ECT2L: variants seen among roughly 807,000 people sequenced by gnomAD.
ECT2L encodes the protein epithelial cell-transforming sequence 2 oncogene-like.
A neutral mutation model predicts 122.8 loss-of-function variants in ECT2L; 126 were observed. That is an observed-to-expected ratio of 1.03 (90% confidence interval 0.89 to 1.19). ECT2L has a LOEUF of 1.19. Ranked by LOEUF, ECT2L falls within the 50% of genes most tolerant of loss-of-function variation. The pLI is 0.00. For synonymous variants in ECT2L, 385 were observed against 381.8 expected, an observed-to-expected ratio of 1.01 and a Z score of -0.10; for missense variants, 1,012 against 1,064.1, an observed-to-expected ratio of 0.95 and a Z score of 0.68.
At chr6:138,813,048 T>A (rs1388844846) in intron 2 of ECT2L, 71 bp downstream of exon 2, 2 of 401,364 alleles carry the variant, frequency 5.0e-6, no homozygotes, top group Non-Finnish European at 4.4e-6. Context: ...GCTTATCATA[T>A]ACACAGATGA....
chr6:138,886,714 G>A lies in ECT2L; in HGVS notation c.2260-143G>A, dbSNP rs977496354. On this transcript the variant is annotated intron_variant, in intron 18 of 21. Transcript: ENST00000541398. ...ATTACAGACGAAAGTCACTACACCC[G>A]GCCCAGAAATTTGAAACTTTCTATT... The A allele has an allele frequency of 2.3e-4, 152 of 651,114 alleles. No homozygotes were observed. In the African/African-American group the frequency reaches 2.4e-3, roughly 10 times the overall value. The allele number at this position is 651,114 out of a possible 1,614,324, so 40.3% of individuals were successfully genotyped here.
At chr6:138,824,252 T>G (rs1170749419) in intron 4 of ECT2L, among the ~76,000 whole-genome samples, 1 of 151,852 alleles carries the variant, frequency 6.6e-6, no homozygotes, top group Non-Finnish European at 1.5e-5. Flanking sequence ...AGGACCACTC[T>G]GTACCATCTT....
At position 138,885,131 on chromosome 6, in the gene ECT2L, C is replaced by T. The variant is rs138479898; in HGVS notation, c.2029-375C>T. ...GCAAGCTCCGCCTCACAGGTTCATGCCATTCTTCTGCCTCAGCCTCCTGAG... is the reference window on the plus strand; with the variant it reads ...GCAAGCTCCGCCTCACAGGTTCATGTCATTCTTCTGCCTCAGCCTCCTGAG... On this transcript the variant is annotated intron_variant, in intron 16 of 21. Coordinates refer to ENST00000541398, the MANE Select transcript of ECT2L (RefSeq NM_001077706.3). 5.5e-3 allele frequency among the ~76,000 whole-genome samples: 832 copies of T among 149,922 alleles called. 8 individuals carry two copies. Among genetic ancestry groups the T allele is most frequent in the Non-Finnish European group, 7.8e-3 (527 of 67,844 alleles).
At chr6:138,821,907 G>A (rs1248627988) in intron 4 of ECT2L, among the ~76,000 whole-genome samples, 1 of 152,244 alleles carries the variant, frequency 6.6e-6, no homozygotes, top group Non-Finnish European at 1.5e-5. Context: ...GACGGAGGAA[G>A]AGGACATGAG....
intron 13 of ECT2L, among the ~76,000 whole-genome samples, chr6:138,875,937 A>G (rs1320594389): frequency 1.3e-5 from 2 of 152,156 alleles, no homozygotes; most frequent in African/African-American, 4.8e-5. Flanking sequence ...CCTGGCCAAC[A>G]TGGTGAAACC....
At chr6:138,858,414 C>A (rs1348435290) in intron 10 of ECT2L, among the ~76,000 whole-genome samples, 1 of 152,116 alleles carries the variant, frequency 6.6e-6, no homozygotes, top group African/African-American at 2.4e-5. Flanking sequence ...ATCTGAGACT[C>A]ATTCTTTTTG....
intron 4 of ECT2L, chr6:138,822,932 A>G (rs1776317276): frequency 6.2e-7 from 1 of 1,613,648 alleles, no homozygotes; most frequent in Non-Finnish European, 8.5e-7. Context: ...ATTCCATGGT[A>G]GTGGCAATTT....
Position 138,885,702 on chromosome 6 carries a change from C to A in ECT2L, c.2131C>A (p.Arg711=). 6.2e-7 allele frequency: 1 copy of A among 1,614,104 alleles called. No individual in the cohort carries two copies. Among genetic ancestry groups the A allele is most frequent in the Non-Finnish European group, 8.5e-7 (1 of 1,180,012 alleles). The change falls in exon 18 of 22, where the codon CGA becomes AGA. Residue 711 remains arginine, a synonymous_variant. Transcript: ENST00000541398. Reference sequence around the variant, plus strand: ...GCCAGAGCTGCTGCTGTACCCATCCCGAAGATTTGAAGAATACCTTAATCT... The same window carrying A: ...GCCAGAGCTGCTGCTGTACCCATCCAGAAGATTTGAAGAATACCTTAATCT... The part of the protein sequence containing the change: ...SLPELLLYPS[R]RFEEYLNLLY...
At chr6:138,880,714 G>A (rs762473235) in intron 14 of ECT2L, among the ~76,000 whole-genome samples, 3 of 152,116 alleles carry the variant, frequency 2.0e-5, no homozygotes, top group Non-Finnish European at 4.4e-5. Flanking sequence ...GTTTCAAACT[G>A]CCTTCCTTTA....
At chr6:138,823,076 A>G in intron 4 of ECT2L, 1 of 1,589,730 alleles carries the variant, frequency 6.3e-7, no homozygotes, top group Non-Finnish European at 8.6e-7. Flanking sequence ...TAGGGAAAAT[A>G]ATGTGCAAAA....
rs1562452998 is a variant in ECT2L, at chr6:138,813,205, T to G, written c.-70T>G. On this transcript the variant is annotated 5_prime_UTR_variant, in exon 3 of 22. Coordinates refer to ENST00000541398, the MANE Select transcript of ECT2L (RefSeq NM_001077706.3). ...AATTGCACACCTATTGAAATAAACCTGTAGTTTCTAGAAGTGGAAGAAAAT... is the reference window on the plus strand; with the variant it reads ...AATTGCACACCTATTGAAATAAACCGGTAGTTTCTAGAAGTGGAAGAAAAT... The G allele has an allele frequency of 2.0e-5, 22 of 1,105,104 alleles. No individual in the cohort carries two copies. Among genetic ancestry groups the G allele is most frequent in the Non-Finnish European group, 2.7e-5 (20 of 741,178 alleles). 68.5% of individuals were successfully genotyped at this position (1,105,104 alleles called of 1,614,324 possible).
intron 1 of ECT2L, among the ~76,000 whole-genome samples, chr6:138,798,790 T>C (rs201227409): frequency 6.6e-6 from 1 of 152,210 alleles, no homozygotes; most frequent in East Asian, 1.9e-4. Context: ...GTGGGTGAAT[T>C]GCAACCTAAT....
intron 10 of ECT2L, among the ~76,000 whole-genome samples, chr6:138,855,929 A>G (rs189900486): frequency 1.3e-5 from 2 of 152,346 alleles, no homozygotes; most frequent in Admixed American, 6.5e-5. Flanking sequence ...GGAAAAGTGG[A>G]TTTGGTGACA....
In ECT2L at chr6:138,896,059, G is replaced by GT. The variant is rs953749335; in HGVS notation, c.2415-4882dup. ...TGTACCTTGGAACTTCTGTATTATC[G>GT]TTTTTTTCATAAACACTGATTTTCA... is the stretch of plus-strand genomic sequence containing the variant. On this transcript the variant is annotated intron_variant, in intron 20 of 21. Coordinates refer to ENST00000541398, the MANE Select transcript of ECT2L (RefSeq NM_001077706.3). 2.7e-4 allele frequency among the ~76,000 whole-genome samples: 38 copies of GT among 138,736 alleles called. 1 individual carries two copies. Among genetic ancestry groups the GT allele is most frequent in the Non-Finnish European group, 4.5e-5 (3 of 66,294 alleles). 91.0% of individuals were successfully genotyped at this position (138,736 alleles called of 152,430 possible).
At chr6:138,901,205 A>T (rs888951832) in intron 21 of ECT2L, 85 bp downstream of exon 21, 1 of 1,363,236 alleles carries the variant, frequency 7.3e-7, no homozygotes, top group East Asian at 2.4e-5. Flanking sequence ...TAGAAAAAGG[A>T]CTGGAATTAT....
intron 20 of ECT2L, among the ~76,000 whole-genome samples, chr6:138,897,948 G>A (rs552763308): frequency 6.6e-6 from 1 of 152,180 alleles, no homozygotes; most frequent in South Asian, 2.1e-4. Flanking sequence ...CTTCTTCAAA[G>A]CACTCTGTTG....
chr6:138,892,867 T>C (rs182024844), intron 20 of ECT2L, among the ~76,000 whole-genome samples: 4 of 152,278 alleles, frequency 2.6e-5, no homozygotes, highest in African/African-American at 9.6e-5. Context: ...GTCTTCAGTG[T>C]GAAGTTTTAT....
At chr6:138,882,602 C>T in intron 15 of ECT2L, 122 bp from the exon 16 acceptor site, 1 of 1,212,998 alleles carries the variant, frequency 8.2e-7, no homozygotes, top group Non-Finnish European at 1.1e-6. Flanking sequence ...GAAGAAATGA[C>T]TTGACCAAAA....
chr6:138,814,627 T>C (rs1170253150), intron 4 of ECT2L, 24 bp downstream of exon 4: 5 of 1,377,148 alleles, frequency 3.6e-6, no homozygotes, highest in Middle Eastern at 1.8e-4. Context: ...AATGATGTAA[T>C]TAACATTGAT....
Sources: gnomAD v4.1 joint callset for allele counts (sites outside exome capture counted in the v4.1 genomes callset) on GRCh38, gnomAD v4.1.1 for gene constraint, MANE v1.5 for transcripts, NCBI Gene and HGNC (gene_info 2026-07-23, HGNC 2026-07-21) for gene names.